Variants in MDN1 observed in about 807,000 individuals in gnomAD.
MDN1 encodes the protein midasin.
In MDN1, 266 loss-of-function variants were observed where a neutral mutation model predicts 669.2. The ratio of observed to expected loss-of-function variants is 0.40; its 90% confidence interval spans 0.36 to 0.44. MDN1 has a LOEUF of 0.44. Ranked by LOEUF, MDN1 falls within the 20% of genes least tolerant of loss-of-function variation. The pLI is 1.00. For missense variants in MDN1, 5,940 were observed against 6,754.0 expected, an observed-to-expected ratio of 0.88 and a Z score of 4.22; for synonymous variants, 2,385 against 2,457.1, an observed-to-expected ratio of 0.97 and a Z score of 0.87.
chr6:89,708,769 T>C lies in MDN1; in HGVS notation c.7766-141A>G, dbSNP rs957349969. 5.7e-6 allele frequency: 5 copies of C among 873,662 alleles called. No individual in the cohort carries two copies. In the Admixed American group the frequency reaches 7.0e-5, roughly 12 times the overall value. The allele number at this position is 873,662 out of a possible 1,614,324, so 54.1% of individuals were successfully genotyped here. On this transcript the variant is annotated intron_variant, in intron 50 of 101. Coordinates refer to ENST00000369393, the MANE Select transcript of MDN1 (RefSeq NM_014611.3). ...GAAGAGGTTGAACCAGTAAATACCA[T>C]GAGTTTCATCCCATAATACTAGAAT...
intron 88 of MDN1, among the ~76,000 whole-genome samples, chr6:89,659,582 C>T (rs747501433): frequency 3.3e-5 from 5 of 152,146 alleles, no homozygotes; most frequent in Non-Finnish European, 5.9e-5. Context: ...CATACTCATA[C>T]ATACAGTTGT....
intron 23 of MDN1, among the ~76,000 whole-genome samples, chr6:89,750,881 G>C (rs1362745653): frequency 1.3e-5 from 2 of 150,886 alleles, no homozygotes; most frequent in Non-Finnish European, 2.9e-5. Context: ...GGGATTACAG[G>C]CATGAGCCAC....
At chr6:89,783,717 AAT>A (rs1222490040) in intron 9 of MDN1, among the ~76,000 whole-genome samples, 2 of 152,198 alleles carry the variant, frequency 1.3e-5, no homozygotes, top group Non-Finnish European at 2.9e-5. Flanking sequence ...CGGTCCTACC[AAT>A]ATGTGATGCC....
intron 9 of MDN1, 149 bp downstream of exon 9, chr6:89,784,863 T>A (rs904988930): frequency 9.2e-6 from 5 of 544,398 alleles, no homozygotes; most frequent in African/African-American, 7.6e-5. Context: ...CCAGAAAAAA[T>A]AACAGATGAA....
At chr6:89,787,076 A>C (rs1819002934) in intron 8 of MDN1, among the ~76,000 whole-genome samples, 1 of 109,928 alleles carries the variant, frequency 9.1e-6, no homozygotes, top group African/African-American at 3.7e-5. Flanking sequence ...CCCCATTTCA[A>C]GAAAAAAAAA....
intron 9 of MDN1, among the ~76,000 whole-genome samples, chr6:89,783,383 G>A (rs1818783005): frequency 6.6e-6 from 1 of 152,052 alleles, no homozygotes; most frequent in Non-Finnish European, 1.5e-5. Context: ...GGCTTACTAG[G>A]GTGGGGAAAA....
chr6:89,744,966 T>TA (rs1020007576), intron 29 of MDN1, among the ~76,000 whole-genome samples: 1 of 151,008 alleles, frequency 6.6e-6, no homozygotes, highest in African/African-American at 2.4e-5. Flanking sequence ...TAACAGATCT[T>TA]AGTTTCTTTT....
Position 89,702,411 on chromosome 6 carries a change from T to C in MDN1, c.8149-350A>G, listed in dbSNP as rs137997586. On this transcript the variant is annotated intron_variant, in intron 53 of 101. Coordinates refer to ENST00000369393, the MANE Select transcript of MDN1 (RefSeq NM_014611.3). ...TACCATTTTGTACTCCGACCAGAAG[T>C]GTAGAAGAGTTTCAGTTGTTTCATT... 6.1e-3 allele frequency among the ~76,000 whole-genome samples: 933 copies of C among 152,364 alleles called. 9 individuals are homozygous for C. Among genetic ancestry groups the C allele is most frequent in the African/African-American group, 0.02 (841 of 41,586 alleles).
At chr6:89,658,486 T>C in intron 89 of MDN1, 116 bp from the exon 90 acceptor site, 2 of 1,537,296 alleles carry the variant, frequency 1.3e-6, no homozygotes, top group Non-Finnish European at 1.8e-6. Context: ...AACAGAAACC[T>C]AGAACTCCTC....
chr6:89,663,709 C>T (rs922106607), intron 85 of MDN1, among the ~76,000 whole-genome samples: 10 of 151,562 alleles, frequency 6.6e-5, no homozygotes, highest in Middle Eastern at 3.2e-3. Flanking sequence ...CTGAGGTGGG[C>T]GGATCATGAT....
Position 89,728,953 on chromosome 6 carries a change from C to G in MDN1, c.5327G>C (p.Arg1776Thr). ...TACCGTTTGCTCTGATAAGTTGATT[C>G]TAACAAGGGTATTTCCTGAAGCCTT... ...LAKASGNTLV[R>T]INLSEQTDIT... Residue 1776 changes from arginine to threonine, a missense_variant, in exon 36 of 102, where the codon AGA becomes ACA. Physicochemically the swap from Arg to Thr is moderately conservative, Grantham distance 71. Around this residue, in one of 5 missense-constraint regions of MDN1, gnomAD observed 2,292 missense variants for 2,638.3 expected, o/e 0.87. Transcript: ENST00000369393. The G allele has an allele frequency of 6.2e-7, 1 of 1,614,026 alleles. No individual in the cohort carries two copies. Among genetic ancestry groups the G allele is most frequent in the Non-Finnish European group, 8.5e-7 (1 of 1,179,978 alleles).
Position 89,819,734 on chromosome 6 carries a change from C to G in MDN1, c.-127G>C, listed in dbSNP as rs1028533691. ...CCCGCAGGAAAGGCGTCCTCAGCTC[C>G]AGCGCCTACACCGGGAGAGGGGCAC... On this transcript the variant is annotated 5_prime_UTR_variant, in exon 1 of 102. Transcript: ENST00000369393. 1.4e-4 allele frequency: 103 copies of G among 719,216 alleles called. No individual in the cohort carries two copies. The highest frequency in any genetic ancestry group is 9.3e-4 in the South Asian group (58 of 62,294). 44.6% of individuals were successfully genotyped at this position (719,216 alleles called of 1,614,324 possible). A position where few individuals can be genotyped will look rare whatever the true frequency, so the allele number is the denominator to read the frequency against.
intron 50 of MDN1, 106 bp from the exon 51 acceptor site, chr6:89,708,734 T>C: frequency 8.1e-7 from 1 of 1,238,738 alleles, no homozygotes. Context: ...GCACATTGAA[T>C]CATGATGGGG....
rs753607144 is a variant in MDN1 at position 89,658,357 on chromosome 6, C to T, written c.15035G>A (p.Arg5012Gln). ...QGFQPQEEEE[R>Q]EDSDTEEQVP... Reference sequence around the variant, plus strand: ...CTGCTCCTCTGTATCAGAGTCCTCCCGTTCTTCTTCCTCCTTCGGCAGAGA... The same window carrying T: ...CTGCTCCTCTGTATCAGAGTCCTCCTGTTCTTCTTCCTCCTTCGGCAGAGA... Residue 5012 changes from arginine to glutamine, a missense_variant, in exon 90 of 102, where the codon CGG (arginine) becomes CAG (glutamine). Physicochemically the swap from Arg to Gln is conservative, Grantham distance 43. Coordinates refer to ENST00000369393, the MANE Select transcript of MDN1 (RefSeq NM_014611.3). 1.2e-5 allele frequency: 19 copies of T among 1,614,000 alleles called. No individual in the cohort carries two copies. The highest frequency in any genetic ancestry group is 8.0e-5 in the African/African-American group (6 of 74,914).
intron 22 of MDN1, 89 bp downstream of exon 22, chr6:89,753,423 G>T: frequency 1.0e-6 from 1 of 955,602 alleles, no homozygotes; most frequent in Non-Finnish European, 1.6e-6. Flanking sequence ...TAATTAAAAA[G>T]TTATGTGAAA....
At chr6:89,706,405 T>C (rs1270381402) in intron 52 of MDN1, among the ~76,000 whole-genome samples, 1 of 147,226 alleles carries the variant, frequency 6.8e-6, no homozygotes, top group Non-Finnish European at 1.5e-5. Flanking sequence ...AGATTTTCAA[T>C]TTTTTTTTTT....
chr6:89,803,283 T>C, intron 2 of MDN1, 45 bp downstream of exon 2: 1 of 1,532,006 alleles, frequency 6.5e-7, no homozygotes, highest in Non-Finnish European at 9.0e-7. Flanking sequence ...GACAGCAGGT[T>C]CTATCACCTC....
chr6:89,712,406 C>T (rs956222509), intron 48 of MDN1, 150 bp from the exon 49 acceptor site: 51 of 981,950 alleles, frequency 5.2e-5, no homozygotes, highest in South Asian at 1.6e-5. Flanking sequence ...TAAAACATAC[C>T]TAATAAATAA....
rs977791356 is a variant in MDN1 at position 89,688,154 on chromosome 6, C to A, written c.11279G>T (p.Arg3760Ile). 6 of 1,613,922 alleles carry A rather than the reference C, an allele frequency of 3.7e-6. No homozygotes were observed. The highest frequency in any genetic ancestry group is 4.2e-6 in the Non-Finnish European group (5 of 1,179,950). Residue 3760 changes from arginine (R) to isoleucine (I), a missense_variant, in exon 67 of 102, where the codon AGA (arginine) becomes ATA (isoleucine). Physicochemically the swap from Arg to Ile is moderately conservative, Grantham distance 97 (BLOSUM62 -3). This residue lies in a region of MDN1 where 2,280 missense variants were observed against 2,576.3 expected (regional missense o/e 0.88). Transcript: ENST00000369393. ...ACTGGAAAGTGGGAAACTACGAATTCTGTCCATTACAACCAGGAGCTGCAG... is the reference window on the plus strand; with the variant it reads ...ACTGGAAAGTGGGAAACTACGAATTATGTCCATTACAACCAGGAGCTGCAG... The part of the protein sequence containing the change: ...ALEQLLVVMD[R>I]IRSFPLSSPI...
Sources: allele counts gnomAD v4.1 joint callset (sites outside exome capture counted in the v4.1 genomes callset), GRCh38; gene constraint gnomAD v4.1.1; regional missense constraint gnomAD v4.1.1; transcripts MANE v1.5; gene names NCBI Gene and HGNC (gene_info 2026-07-23, HGNC 2026-07-21).